ZFHX3: variants seen among roughly 807,000 people sequenced by gnomAD.
The protein encoded by ZFHX3 is zinc finger homeobox protein 3.
In ZFHX3, 42 loss-of-function variants were observed where a neutral mutation model predicts 279.1. The ratio of observed to expected loss-of-function variants is 0.15; its 90% CI spans 0.12 to 0.19. The LOEUF is 0.19. Ranked by LOEUF, ZFHX3 falls within the 10% of genes least tolerant of loss-of-function variation. The probability of loss-of-function intolerance (pLI) is 1.00; values close to 1 mark genes in which losing one functional copy is unlikely to be tolerated. For missense variants in ZFHX3, 4,981 were observed against 4,754.0 expected (o/e 1.05, Z -1.40); for synonymous variants, 2,293 against 1,957.8 (o/e 1.17, Z -4.52).
At chr16:73,269,755 AT>A (rs558677879) in intron 4 of ZFHX3, among the ~76,000 whole-genome samples, 59 of 145,478 alleles carry the variant, frequency 4.1e-4, no homozygotes, top group Admixed American at 4.1e-4. Flanking sequence ...GCTTTTCTTT[AT>A]TTTTTTTTTT....
Position 72,950,931 on chromosome 16 carries a change from C to A in ZFHX3, c.2754G>T (p.Gly918=), listed in dbSNP as rs1441259908. 2 of 1,613,870 alleles carry A rather than the reference C, an allele frequency of 1.2e-6. No homozygotes were observed. Among genetic ancestry groups the A allele is most frequent in the East Asian group, 2.2e-5 (1 of 44,878 alleles). ...GCTCCTCTGACACCAGCTGCCCGCC[C>A]CCGAGCCGCATGTCTAGGGGGATCT... ...GGEIPLDMRL[G]GGQLVSEELM... is the part of the protein sequence containing the mutation. Residue 918 remains glycine (G), a synonymous_variant, in exon 3 of 10, where the codon GGG becomes GGT. Coordinates refer to ENST00000268489, the MANE Select transcript of ZFHX3 (RefSeq NM_006885.4).
At chr16:73,861,006 A>G (rs1961869282) in intron 1 of ZFHX3, among the ~76,000 whole-genome samples, 1 of 148,552 alleles carries the variant, frequency 6.7e-6, no homozygotes, top group Non-Finnish European at 1.5e-5. Context: ...TTTTTGAGAC[A>G]GGATCACCCA....
intron 7 of ZFHX3, among the ~76,000 whole-genome samples, chr16:73,096,520 A>G (rs12051405): frequency 0.32 from 47,888 of 150,656 alleles, 9,411 homozygotes; most frequent in East Asian, 0.64. Flanking sequence ...CTTGTACTTC[A>G]GCCTCCCAAG....
At chr16:73,080,700 A>C (rs769194611) in intron 8 of ZFHX3, among the ~76,000 whole-genome samples, 2 of 151,990 alleles carry the variant, frequency 1.3e-5, no homozygotes, top group African/African-American at 2.4e-5. Context: ...CAGCCTCCCC[A>C]GTAGCTGGGA....
At chr16:73,462,472 G>A (rs2018489090) in intron 2 of ZFHX3, among the ~76,000 whole-genome samples, 1 of 152,072 alleles carries the variant, frequency 6.6e-6, no homozygotes, top group South Asian at 2.1e-4. Context: ...TGTTAAGAGT[G>A]GACATCCTTG....
intron 2 of ZFHX3, among the ~76,000 whole-genome samples, chr16:73,562,031 T>C (rs1252611731): frequency 6.6e-6 from 1 of 152,220 alleles, no homozygotes; most frequent in Non-Finnish European, 1.5e-5. Context: ...AGTAACTCTT[T>C]TGAGACAAGC....
At chr16:73,445,579 C>T (rs983165329) in intron 3 of ZFHX3, among the ~76,000 whole-genome samples, 9 of 152,248 alleles carry the variant, frequency 5.9e-5, no homozygotes, top group East Asian at 3.9e-4. Context: ...TCTACCCAGA[C>T]GCAAGATGCC....
At chr16:73,281,817 G>A (rs749563903) in intron 4 of ZFHX3, among the ~76,000 whole-genome samples, 59 of 151,952 alleles carry the variant, frequency 3.9e-4, no homozygotes, top group African/African-American at 1.0e-3. Flanking sequence ...TAAGAAAAAC[G>A]AACAAACAAA....
At chr16:73,085,837 C>G (rs966908833) in intron 8 of ZFHX3, among the ~76,000 whole-genome samples, 2 of 151,910 alleles carry the variant, frequency 1.3e-5, no homozygotes, top group African/African-American at 4.8e-5. Context: ...AATGGAATTA[C>G]ATTAAGCCAG....
rs138850731 is a variant in ZFHX3, at chr16:73,767,965, G to A, written c.-1607-87725C>T. Among the ~76,000 whole-genome samples the A allele has an allele frequency of 3.0e-4, 46 of 152,276 alleles. No individual in the cohort carries two copies. In the East Asian group the frequency reaches 7.7e-3, roughly 26 times the overall value. On this transcript the variant is annotated intron_variant, in intron 1 of 17. Coordinates refer to the ZFHX3 transcript ENST00000641206. Reference sequence around the variant, plus strand: ...GTGAAGCACCTTAATGCTAGCAAACGTAGGGAGCTTTTACATCCCTAGATC... The same window carrying A: ...GTGAAGCACCTTAATGCTAGCAAACATAGGGAGCTTTTACATCCCTAGATC...
chr16:73,662,189 G>A (rs2052792585), intron 2 of ZFHX3, among the ~76,000 whole-genome samples: 1 of 152,074 alleles, frequency 6.6e-6, no homozygotes, highest in African/African-American at 2.4e-5. Flanking sequence ...ACCTGTTACA[G>A]AAATAGTTGT....
intron 8 of ZFHX3, among the ~76,000 whole-genome samples, chr16:73,074,969 G>T (rs1297038170): frequency 4.6e-5 from 7 of 151,576 alleles, no homozygotes; most frequent in Non-Finnish European, 1.0e-4. Context: ...ACCACACTCA[G>T]CTAATTTTTG....
chr16:73,643,623 A>G (rs1037903422), intron 2 of ZFHX3, among the ~76,000 whole-genome samples: 1 of 152,182 alleles, frequency 6.6e-6, no homozygotes, highest in African/African-American at 2.4e-5. Flanking sequence ...CTCAACCTGA[A>G]AAGTCATCCT....
In ZFHX3 at chr16:72,798,653, A is replaced by G; in HGVS notation, c.4029T>C (p.Asp1343=). ...LPSASTEQSG[D]LKPSPADPGS... ...CTGGGTCAGCAGGGGATGGTTTCAA[A>G]TCTCCGCTTTGCTCTGTGCTTGCGG... Residue 1343 remains aspartate (D), a synonymous_variant, in exon 9 of 10, where the codon GAT becomes GAC. Transcript: ENST00000268489. The G allele has an allele frequency of 1.2e-6, 2 of 1,613,294 alleles. No homozygotes were observed. The highest frequency in any genetic ancestry group is 1.7e-6 in the Non-Finnish European group (2 of 1,179,710).
chr16:73,744,406 T>G (rs2053685922), intron 1 of ZFHX3, among the ~76,000 whole-genome samples: 1 of 152,216 alleles, frequency 6.6e-6, no homozygotes. Flanking sequence ...CTGGCCAAAC[T>G]GACAGGCTAG....
At chr16:73,805,784 G>T (rs1015204704) in intron 1 of ZFHX3, among the ~76,000 whole-genome samples, 3 of 152,196 alleles carry the variant, frequency 2.0e-5, no homozygotes, top group Non-Finnish European at 1.5e-5. Context: ...ATGCTGGGTG[G>T]CATGTGAATA....
At chr16:72,800,263 C>T in intron 7 of ZFHX3, 134 bp from the exon 8 acceptor site, 2 of 678,478 alleles carry the variant, frequency 2.9e-6, no homozygotes, top group Non-Finnish European at 2.5e-6. Flanking sequence ...TCATAGCTCA[C>T]TGAAGATTCA....
intron 1 of ZFHX3, among the ~76,000 whole-genome samples, chr16:73,854,355 G>A (rs1004447120): frequency 2.0e-5 from 3 of 151,976 alleles, no homozygotes; most frequent in Non-Finnish European, 4.4e-5. Context: ...GTGACACTTC[G>A]CCTCTACTAA....
intron 1 of ZFHX3, among the ~76,000 whole-genome samples, chr16:73,782,898 G>A (rs1959521879): frequency 6.6e-6 from 1 of 152,108 alleles, no homozygotes. Context: ...CTGCAAATTG[G>A]GAGTTAATTT....
Sources: allele counts gnomAD v4.1 joint callset (sites outside exome capture counted in the v4.1 genomes callset), GRCh38; gene constraint gnomAD v4.1.1; transcripts MANE v1.5; gene names NCBI Gene and HGNC (gene_info 2026-07-23, HGNC 2026-07-21).